Variants in IQGAP1 observed in about 807,000 individuals in gnomAD.
IQGAP1 encodes IQ motif containing GTPase activating protein 1, also known as ras GTPase-activating-like protein IQGAP1.
In IQGAP1, 66 loss-of-function variants were observed where a neutral mutation model predicts 215.6. The observed-to-expected ratio is 0.31, with a 90% CI of 0.25 to 0.38. IQGAP1 has a LOEUF of 0.38. Ranked by LOEUF, IQGAP1 falls within the 10% of genes least tolerant of loss-of-function variation. The pLI, the probability that IQGAP1 is intolerant of heterozygous loss-of-function variation, is 1.00. For synonymous variants in IQGAP1, 772 were observed against 728.7 expected, an observed-to-expected ratio of 1.06 and a Z score of -0.96; for missense variants, 1,712 against 1,997.1, an observed-to-expected ratio of 0.86 and a Z score of 2.72.
intron 10 of IQGAP1, among the ~76,000 whole-genome samples, chr15:90,449,225 A>G (rs753326078): frequency 2.0e-5 from 3 of 152,108 alleles, no homozygotes; most frequent in Non-Finnish European, 2.9e-5. Flanking sequence ...AATAAGGGCA[A>G]GTATACATTT....
At chr15:90,423,122 A>G (rs991374960) in intron 2 of IQGAP1, among the ~76,000 whole-genome samples, 7 of 152,324 alleles carry the variant, frequency 4.6e-5, no homozygotes, top group African/African-American at 1.2e-4. Context: ...TGTGAGCTGT[A>G]GAGAAAGACT....
chr15:90,395,446 G>T (rs1037880269), intron 2 of IQGAP1, among the ~76,000 whole-genome samples: 1 of 151,770 alleles, frequency 6.6e-6, no homozygotes, highest in African/African-American at 2.4e-5. Flanking sequence ...TCAGCCTCCC[G>T]AGTAGCTGGG....
chr15:90,426,564 C>T (rs1313867055), intron 3 of IQGAP1, among the ~76,000 whole-genome samples: 1 of 148,838 alleles, frequency 6.7e-6, no homozygotes, highest in African/African-American at 2.5e-5. Flanking sequence ...TGGTAGAATT[C>T]TTATGATGTT....
Position 90,473,391 on chromosome 15 carries a change from C to A in IQGAP1, c.2350-324C>A, listed in dbSNP as rs142001994. Among the ~76,000 whole-genome samples, 3 of 152,206 alleles carry A rather than the reference C, an allele frequency of 2.0e-5. No homozygotes were observed. The East Asian group carries it at 5.8e-4, about 30-fold the overall frequency. On this transcript the variant is annotated intron_variant, in intron 19 of 37. Coordinates refer to ENST00000268182, the MANE Select transcript of IQGAP1 (RefSeq NM_003870.4). ...CAGTGGTGAATCTCCAAGTCTTTGTCCCCATCTGTAAAAGGGGAATGCCCC... is the reference window on the plus strand; with the variant it reads ...CAGTGGTGAATCTCCAAGTCTTTGTACCCATCTGTAAAAGGGGAATGCCCC...
intron 18 of IQGAP1, among the ~76,000 whole-genome samples, chr15:90,468,488 C>A (rs1965862254): frequency 6.6e-6 from 1 of 152,212 alleles, no homozygotes. Context: ...CCATCTATAT[C>A]TGTCAAAATT....
At chr15:90,420,446 C>T (rs774122628) in intron 2 of IQGAP1, among the ~76,000 whole-genome samples, 8 of 152,178 alleles carry the variant, frequency 5.3e-5, no homozygotes, top group Non-Finnish European at 8.8e-5. Flanking sequence ...TTAGCAAAAA[C>T]CTTCTGACTA....
chr15:90,464,878 A>G (rs1965809694), intron 15 of IQGAP1, among the ~76,000 whole-genome samples: 1 of 152,182 alleles, frequency 6.6e-6, no homozygotes, highest in Non-Finnish European at 1.5e-5. Flanking sequence ...GGAAGATATT[A>G]GAGGAAGGTA....
chr15:90,492,703 C>G lies in IQGAP1; in HGVS notation c.4620C>G (p.Ser1540Arg). ...AAACCTGCTTGGATAACTTAGCCAG[C>G]AAGGGCAAGTGAGTATTTTTTCTTT... is the stretch of plus-strand genomic sequence containing the variant. The part of the protein sequence containing the change: ...YIKTCLDNLA[S>R]KGKVSKKPRE... Residue 1540 changes from serine to arginine, a missense_variant, in exon 35 of 38, where the codon AGC becomes AGG. Physicochemically the swap from Ser to Arg is moderately radical, Grantham distance 110 (BLOSUM62 -1). Coordinates refer to ENST00000268182, the MANE Select transcript of IQGAP1 (RefSeq NM_003870.4). 6.2e-7 allele frequency: 1 copy of G among 1,608,508 alleles called. No homozygotes were observed. Among genetic ancestry groups the G allele is most frequent in the South Asian group, 1.1e-5 (1 of 89,560 alleles).
At chr15:90,484,194 G>T (rs745392847) in intron 29 of IQGAP1, 26 bp from the exon 30 acceptor site, 1 of 1,604,316 alleles carries the variant, frequency 6.2e-7, no homozygotes, top group Admixed American at 1.7e-5. Flanking sequence ...CCCTTTTTGG[G>T]GGGCTGCCTC....
chr15:90,411,713 T>C (rs776539333), intron 2 of IQGAP1, among the ~76,000 whole-genome samples: 3 of 152,198 alleles, frequency 2.0e-5, no homozygotes, highest in Non-Finnish European at 4.4e-5. Flanking sequence ...TTAGCTATCA[T>C]CTAGATTTAA....
At chr15:90,463,584 A>G (rs1391790264) in intron 15 of IQGAP1, among the ~76,000 whole-genome samples, 1 of 151,954 alleles carries the variant, frequency 6.6e-6, no homozygotes, top group African/African-American at 2.4e-5. Context: ...ACTCTAGGGG[A>G]TGGTGTGTGG....
intron 1 of IQGAP1, among the ~76,000 whole-genome samples, chr15:90,389,304 A>G (rs1964600207): frequency 6.6e-6 from 1 of 150,854 alleles, no homozygotes; most frequent in South Asian, 2.1e-4. Flanking sequence ...GGTAAGGAGA[A>G]GGGGCCTGGG....
chr15:90,407,660 T>C (rs150489752), intron 2 of IQGAP1, among the ~76,000 whole-genome samples: 5 of 152,372 alleles, frequency 3.3e-5, no homozygotes, highest in Non-Finnish European at 7.3e-5. Context: ...TTTTATTTCA[T>C]TTCCTGTGTT....
chr15:90,431,159 G>A (rs191598446), intron 4 of IQGAP1: 8 of 151,546 alleles, frequency 5.3e-5, no homozygotes, highest in African/African-American at 1.2e-4. Context: ...CATACCTGTG[G>A]AATTGTGTTA....
At chr15:90,426,991 G>C (rs1965232617) in intron 3 of IQGAP1, among the ~76,000 whole-genome samples, 1 of 151,848 alleles carries the variant, frequency 6.6e-6, no homozygotes, top group South Asian at 2.1e-4. Context: ...TTTTAGGCTG[G>C]GCACACTGAT....
chr15:90,409,053 C>G (rs1482004259), intron 2 of IQGAP1, among the ~76,000 whole-genome samples: 1 of 152,074 alleles, frequency 6.6e-6, no homozygotes, highest in East Asian at 1.9e-4. Flanking sequence ...CCTATCCCTT[C>G]TTGTCTTCTA....
intron 2 of IQGAP1, among the ~76,000 whole-genome samples, chr15:90,402,205 T>A (rs540121810): frequency 6.6e-6 from 1 of 152,352 alleles, no homozygotes; most frequent in African/African-American, 2.4e-5. Context: ...ACTAGCTTGT[T>A]GGACCCTTCC....
intron 15 of IQGAP1, among the ~76,000 whole-genome samples, chr15:90,457,762 A>T (rs1051749001): frequency 6.6e-6 from 1 of 152,096 alleles, no homozygotes; most frequent in Non-Finnish European, 1.5e-5. Context: ...TGCTTCTATG[A>T]ATTTTTAATT....
At chr15:90,474,747 C>G (rs1965954099) in intron 23 of IQGAP1, 54 bp downstream of exon 23, 1 of 1,306,370 alleles carries the variant, frequency 7.7e-7, no homozygotes, top group South Asian at 1.2e-5. Flanking sequence ...CTTTGTAACC[C>G]CTGCATTCCC....
Sources: allele counts gnomAD v4.1 joint callset (sites outside exome capture counted in the v4.1 genomes callset), GRCh38; gene constraint gnomAD v4.1.1; transcripts MANE v1.5; gene names NCBI Gene and HGNC (gene_info 2026-07-23, HGNC 2026-07-21).